The following HYDIN variants were observed in gnomAD, a reference collection of about 807,000 sequenced individuals.
The protein encoded by HYDIN is axonemal central pair apparatus protein HYDIN.
Under a neutral mutation model 403.9 loss-of-function variants are expected in HYDIN, and 132 were observed. The ratio of observed to expected loss-of-function variants is 0.33; its 90% CI spans 0.28 to 0.38. HYDIN has a LOEUF of 0.38. HYDIN is among the 10% of genes least tolerant of loss of function. HYDIN has a pLI of 1.00. For synonymous variants in HYDIN, 1,202 were observed against 1,891.7 expected (o/e 0.64, Z 9.46); for missense variants, 2,827 against 5,009.5 (o/e 0.56, Z 13.15).
intron 45 of HYDIN, among the ~76,000 whole-genome samples, chr16:70,925,191 G>C (rs1254233374): frequency 6.6e-6 from 1 of 152,056 alleles, no homozygotes; most frequent in African/African-American, 2.4e-5. Flanking sequence ...TCTTGCCCTT[G>C]ATAAAAACCT....
chr16:70,875,803 G>A (rs1402104620), intron 62 of HYDIN, among the ~76,000 whole-genome samples: 1 of 152,050 alleles, frequency 6.6e-6, no homozygotes, highest in Non-Finnish European at 1.5e-5. Flanking sequence ...TTAAAGGAAC[G>A]TTATAAAATA....
At chr16:71,090,352 C>T (rs1373040286) in intron 11 of HYDIN, 2 of 143,232 alleles carry the variant, frequency 1.4e-5, no homozygotes, top group Non-Finnish European at 3.0e-5. Flanking sequence ...TTTCTCTGTG[C>T]TCCAGTTTCC....
chr16:71,026,989 T>G (rs1489974665), intron 20 of HYDIN: 1 of 299,692 alleles, frequency 3.3e-6, no homozygotes, highest in African/African-American at 2.3e-5. Flanking sequence ...CTTTAGGTTT[T>G]TAATGGTTTC....
intron 75 of HYDIN, among the ~76,000 whole-genome samples, chr16:70,849,032 G>A (rs979805016): frequency 4.6e-5 from 7 of 152,080 alleles, no homozygotes; most frequent in African/African-American, 1.4e-4. Context: ...TCCCTATGAG[G>A]GGGGGTTCCA....
chr16:70,837,383 G>A (rs2037501949), intron 77 of HYDIN, among the ~76,000 whole-genome samples: 1 of 152,138 alleles, frequency 6.6e-6, no homozygotes, highest in South Asian at 2.1e-4. Context: ...TTGGGGTGCT[G>A]AGTCTGAAAG....
chr16:71,181,749 T>C (rs1352367622), intron 3 of HYDIN, among the ~76,000 whole-genome samples: 1 of 152,090 alleles, frequency 6.6e-6, no homozygotes, highest in Non-Finnish European at 1.5e-5. Context: ...AAATATTGAG[T>C]TTCCAACATG....
intron 18 of HYDIN, among the ~76,000 whole-genome samples, chr16:71,039,898 C>T (rs8050526): frequency 2.6e-5 from 4 of 152,200 alleles, no homozygotes; most frequent in South Asian, 2.1e-4. Flanking sequence ...CTGCCCCATG[C>T]GACAAGGCAA....
At chr16:71,198,026 C>G (rs529460268) in intron 1 of HYDIN, among the ~76,000 whole-genome samples, 1 of 152,326 alleles carries the variant, frequency 6.6e-6, no homozygotes. Flanking sequence ...GGATTACAGG[C>G]GTGAGCCACA....
At chr16:71,200,127 C>T (rs566793304) in intron 1 of HYDIN, among the ~76,000 whole-genome samples, 54 of 152,332 alleles carry the variant, frequency 3.5e-4, no homozygotes, top group African/African-American at 1.2e-3. Context: ...GCCATGACAA[C>T]ATCAGGAAGT....
At chr16:71,228,851 G>A (rs1360206266) in intron 1 of HYDIN, among the ~76,000 whole-genome samples, 2 of 152,090 alleles carry the variant, frequency 1.3e-5, no homozygotes, top group Non-Finnish European at 2.9e-5. Context: ...AAAGACACAT[G>A]CACACATATG....
chr16:71,074,466 GAGGTC>G (rs1414657535), intron 13 of HYDIN, among the ~76,000 whole-genome samples: 1 of 151,840 alleles, frequency 6.6e-6, no homozygotes, highest in Non-Finnish European at 1.5e-5. Flanking sequence ...TGGATCACCT[GAGGTC>G]AGGAGTTCCA....
intron 77 of HYDIN, among the ~76,000 whole-genome samples, chr16:70,836,090 T>A (rs1408832650): frequency 6.6e-6 from 1 of 152,110 alleles, no homozygotes; most frequent in African/African-American, 2.4e-5. Context: ...GAGAGCATAT[T>A]ACATGGGGCT....
Position 70,920,678 on chromosome 16 carries a change from T to A in HYDIN, c.7698A>T (p.Val2566=), listed in dbSNP as rs1172606530. ...HEGKKEKDLG[V]PFLDIQTPDF... The stretch of plus-strand genomic sequence containing the variant: ...CTGGTGTCTGGATGTCTAGGAAGGG[T>A]ACGCCCAGGTCCTTCTCCTTCTTCC... Residue 2566 remains valine (V), a synonymous_variant, in exon 46 of 86, where the codon GTA becomes GTT. Transcript: ENST00000393567. 2 of 1,612,964 alleles carry A rather than the reference T, an allele frequency of 1.2e-6. No homozygotes were observed. The highest frequency in any genetic ancestry group is 1.7e-6 in the Non-Finnish European group (2 of 1,179,590).
intron 75 of HYDIN, among the ~76,000 whole-genome samples, chr16:70,841,507 A>AT (rs2037819540): frequency 6.6e-6 from 1 of 151,616 alleles, no homozygotes; most frequent in Non-Finnish European, 1.5e-5. Context: ...TGCACCTTGG[A>AT]TTTTTTCATG....
intron 23 of HYDIN, among the ~76,000 whole-genome samples, chr16:70,996,550 C>A (rs2079539577): frequency 6.6e-6 from 1 of 152,026 alleles, no homozygotes; most frequent in Non-Finnish European, 1.5e-5. Flanking sequence ...CATCTGATTG[C>A]TGTGAGCCAT....
chr16:71,161,663 T>C (rs2086006601), intron 6 of HYDIN, among the ~76,000 whole-genome samples: 1 of 152,050 alleles, frequency 6.6e-6, no homozygotes, highest in Non-Finnish European at 1.5e-5. Flanking sequence ...CCTTGTTGGT[T>C]ACACTGGGCT....
At chr16:71,178,886 T>C (rs1389746717) in intron 4 of HYDIN, 42 bp downstream of exon 4, 12 of 1,544,566 alleles carry the variant, frequency 7.8e-6, no homozygotes, top group Non-Finnish European at 1.1e-5. Flanking sequence ...CCCATTCTCA[T>C]ATATCCTGGA....
intron 19 of HYDIN, among the ~76,000 whole-genome samples, chr16:71,028,502 TA>T (rs67444884): frequency 2.0e-5 from 3 of 149,474 alleles, no homozygotes; most frequent in South Asian, 2.1e-4. Flanking sequence ...GGCTATTTGC[TA>T]AAAAAAAAAC....
At chr16:71,204,397 C>T (rs2088184166) in intron 1 of HYDIN, among the ~76,000 whole-genome samples, 1 of 152,198 alleles carries the variant, frequency 6.6e-6, no homozygotes, top group African/African-American at 2.4e-5. Context: ...CCAGTGCTTT[C>T]ATCAATCTCC....
Sources: gnomAD v4.1 joint callset for allele counts (sites outside exome capture counted in the v4.1 genomes callset) on GRCh38, gnomAD v4.1.1 for gene constraint, MANE v1.5 for transcripts, NCBI Gene and HGNC (gene_info 2026-07-23, HGNC 2026-07-21) for gene names.